IDO2: variants seen among roughly 807,000 people sequenced by gnomAD.
IDO2 encodes indoleamine 2,3-dioxygenase 2.
In IDO2, 46 loss-of-function variants were observed where a neutral mutation model predicts 45.1. That is an observed-to-expected ratio of 1.02 (90% CI 0.80 to 1.30). The LOEUF (loss-of-function observed/expected upper bound fraction) is 1.30. Among genes scored for constraint, IDO2 ranks in the 50% most tolerant of loss-of-function variants. The pLI, the probability that IDO2 is intolerant of heterozygous loss-of-function variation, is 0.00. For missense variants in IDO2, 544 were observed against 491.8 expected (o/e 1.11, Z -1.00); for synonymous variants, 218 against 184.9 (o/e 1.18, Z -1.45).
chr8:39,980,395 T>A (rs1190383285), intron 4 of IDO2, among the ~76,000 whole-genome samples: 1 of 152,208 alleles, frequency 6.6e-6, no homozygotes, highest in Non-Finnish European at 1.5e-5. Context: ...TCTTTATTTT[T>A]TTTTTAATAC....
At chr8:40,016,365 T>G in exon 11 of IDO2, 1 of 390,304 alleles carries the variant, frequency 2.6e-6, no homozygotes, top group South Asian at 1.4e-4. Context: ...GTGTTTAGTG[T>G]GCAAATAAAT....
intron 5 of IDO2, among the ~76,000 whole-genome samples, chr8:39,983,632 G>A (rs893830025): frequency 2.0e-5 from 3 of 152,158 alleles, no homozygotes; most frequent in African/African-American, 4.8e-5. Flanking sequence ...GGGAGGCTGA[G>A]GCAGGTGGAT....
At chr8:39,976,051 C>T (rs988480930) in intron 3 of IDO2, among the ~76,000 whole-genome samples, 6 of 152,126 alleles carry the variant, frequency 3.9e-5, no homozygotes, top group African/African-American at 7.2e-5. Context: ...ACCATCCTGG[C>T]TCACTGAAAC....
rs118001685 is a variant in IDO2 at position 39,974,320 on chromosome 8, C to T, written c.196-4747C>T. On this transcript the variant is annotated intron_variant, in intron 3 of 10. Coordinates refer to ENST00000502986, the Ensembl canonical transcript of IDO2. ...CGATGGTAAAAACATGAATAGTAAT[C>T]CATACATAGAGTTGGCACATAGCAA... is the stretch of plus-strand genomic sequence containing the variant. 5.4e-3 allele frequency among the ~76,000 whole-genome samples: 817 copies of T among 152,218 alleles called. 7 individuals carry two copies. Among genetic ancestry groups the T allele is most frequent in the Non-Finnish European group, 6.7e-3 (455 of 68,006 alleles).
intron 2 of IDO2, among the ~76,000 whole-genome samples, chr8:39,957,495 C>G (rs893125530): frequency 1.0e-5 from 1 of 100,004 alleles, no homozygotes; most frequent in Non-Finnish European, 2.3e-5. Context: ...TGCCTGTGTT[C>G]CAGCTACTTG....
At chr8:39,963,278 CT>C (rs1264843918) in intron 2 of IDO2, among the ~76,000 whole-genome samples, 1 of 152,232 alleles carries the variant, frequency 6.6e-6, no homozygotes, top group East Asian at 1.9e-4. Context: ...GAATATTTCA[CT>C]TTAATTCCTC....
chr8:39,937,075 G>C (rs1243730656), intron 1 of IDO2, among the ~76,000 whole-genome samples: 1 of 152,200 alleles, frequency 6.6e-6, no homozygotes, highest in Non-Finnish European at 1.5e-5. Flanking sequence ...TGATTGCACA[G>C]CTACAACTTT....
exon 3 of IDO2, chr8:39,963,703 G>A: frequency 1.3e-6 from 2 of 1,585,096 alleles, no homozygotes; most frequent in East Asian, 2.2e-5. Context: ...ATGTGGACAA[G>A]GTATTCTTCT....
intron 8 of IDO2, among the ~76,000 whole-genome samples, chr8:40,003,009 G>C (rs1802163316): frequency 6.6e-6 from 1 of 152,052 alleles, no homozygotes; most frequent in Non-Finnish European, 1.5e-5. Flanking sequence ...ATATTCTTTT[G>C]TGACATGGCC....
At chr8:39,963,902 G>A (rs1332407375) in intron 3 of IDO2, among the ~76,000 whole-genome samples, 199 bp downstream of exon 3, 1 of 152,146 alleles carries the variant, frequency 6.6e-6, no homozygotes, top group East Asian at 1.9e-4. Flanking sequence ...AAGGTTTTCA[G>A]AGCCAGCACA....
At chr8:39,979,969 G>A (rs1054583601) in intron 4 of IDO2, among the ~76,000 whole-genome samples, 1 of 152,104 alleles carries the variant, frequency 6.6e-6, no homozygotes, top group African/African-American at 2.4e-5. Flanking sequence ...CTACCAGCAT[G>A]TACCGCCACA....
At chr8:39,971,972 C>G (rs1241465698) in intron 3 of IDO2, among the ~76,000 whole-genome samples, 1 of 152,104 alleles carries the variant, frequency 6.6e-6, no homozygotes, top group Non-Finnish European at 1.5e-5. Context: ...CCATGCCCAC[C>G]TAATTTTTTG....
Position 39,967,470 on chromosome 8 carries a change from G to A in IDO2, c.195+3767G>A, listed in dbSNP as rs149851061. Among the ~76,000 whole-genome samples the A allele has an allele frequency of 5.6e-3, 847 of 151,942 alleles. 11 individuals are homozygous for A. Among genetic ancestry groups the A allele is most frequent in the African/African-American group, 0.02 (824 of 41,330 alleles). On this transcript the variant is annotated intron_variant, in intron 3 of 10. Coordinates refer to ENST00000502986, the Ensembl canonical transcript of IDO2. The stretch of plus-strand genomic sequence containing the variant: ...ATACATACGACTGTTTACCTGTAAT[G>A]CTAAATATTAAAAGACAGTTTCTTT...
chr8:39,996,144 C>T (rs968362124), intron 8 of IDO2, among the ~76,000 whole-genome samples: 1 of 151,414 alleles, frequency 6.6e-6, no homozygotes, highest in Non-Finnish European at 1.5e-5. Context: ...TCCCTTTCCC[C>T]GGGGGAGTTA....
chr8:39,950,873 C>T (rs866010029), intron 2 of IDO2, among the ~76,000 whole-genome samples: 23 of 152,096 alleles, frequency 1.5e-4, no homozygotes, highest in Admixed American at 1.3e-3. Flanking sequence ...CCAGACATGC[C>T]GGAGCAAGCT....
chr8:40,015,646 A>T (rs527368826), exon 11 of IDO2: 1 of 1,430,712 alleles, frequency 7.0e-7, no homozygotes. Context: ...CATGGAGGGC[A>T]GGTGGGCCTG....
intron 2 of IDO2, among the ~76,000 whole-genome samples, chr8:39,953,354 C>T (rs1039682751): frequency 9.9e-5 from 15 of 152,000 alleles, no homozygotes; most frequent in African/African-American, 3.1e-4. Context: ...ATACTGATGC[C>T]GAAGCTCCAC....
chr8:39,948,824 A>G (rs1457416779), intron 1 of IDO2, among the ~76,000 whole-genome samples: 3 of 152,152 alleles, frequency 2.0e-5, no homozygotes, highest in Non-Finnish European at 4.4e-5. Flanking sequence ...ATAAACCACA[A>G]CCACAGGTCT....
At chr8:39,974,103 TAC>T (rs1217880067) in intron 3 of IDO2, among the ~76,000 whole-genome samples, 1 of 152,150 alleles carries the variant, frequency 6.6e-6, no homozygotes, top group Non-Finnish European at 1.5e-5. Context: ...AAAAATAATA[TAC>T]AGTTAACAGC....
Sources: allele counts gnomAD v4.1 joint callset (sites outside exome capture counted in the v4.1 genomes callset), GRCh38; gene constraint gnomAD v4.1.1; transcripts MANE v1.5; gene names NCBI Gene and HGNC (gene_info 2026-07-23, HGNC 2026-07-21).